CR1: variants seen among roughly 807,000 people sequenced by gnomAD.
CR1 encodes the protein complement C3b/C4b receptor 1 (Knops blood group), also known as complement receptor type 1.
A neutral mutation model predicts 187.3 loss-of-function variants in CR1; 116 were observed. The ratio of observed to expected loss-of-function variants is 0.62; its 90% confidence interval spans 0.53 to 0.72. The LOEUF (loss-of-function observed/expected upper bound fraction) is 0.72, where lower values mean the gene tolerates loss of function less well. Ranked by LOEUF, CR1 falls within the 30% of genes least tolerant of loss-of-function variation. CR1 has a pLI of 0.00. For synonymous variants in CR1, 576 were observed against 747.1 expected, an observed-to-expected ratio of 0.77 and a Z score of 3.73; for missense variants, 1,731 against 2,110.7, an observed-to-expected ratio of 0.82 and a Z score of 3.52.
chr1:207,498,053 A>G lies in CR1; in HGVS notation c.121+1665A>G, dbSNP rs375625642. Among the ~76,000 whole-genome samples, 61 of 152,350 alleles carry G rather than the reference A, an allele frequency of 4.0e-4. 2 individuals are homozygous for G. In the South Asian group the frequency reaches 0.012, roughly 29 times the overall value. ...CGTTCTGCTTTTTCCAGCCTCTGCT[A>G]CTTACCAGCTGGTGTCTTGGACCCA... is the stretch of plus-strand genomic sequence containing the variant. On this transcript the variant is annotated intron_variant, in intron 1 of 46. Coordinates refer to ENST00000367049, the MANE Select transcript of CR1 (RefSeq NM_000651.6).
intron 35 of CR1, among the ~76,000 whole-genome samples, chr1:207,594,758 C>G (rs181089551): frequency 1.4e-3 from 215 of 152,312 alleles, no homozygotes; most frequent in Middle Eastern, 0.01. Flanking sequence ...TTCTGACTGT[C>G]TGAGCCTGGA....
At chr1:207,582,899 G>A (rs752730293) in intron 32 of CR1, among the ~76,000 whole-genome samples, 9 of 152,206 alleles carry the variant, frequency 5.9e-5, no homozygotes, top group Non-Finnish European at 1.2e-4. Flanking sequence ...GTTTGGGAAT[G>A]GGGGAAATCA....
Position 207,567,959 on chromosome 1 carries a change from T to C in CR1, c.4088T>C (p.Ile1363Thr), listed in dbSNP as rs781556299. 8.1e-6 allele frequency: 13 copies of C among 1,610,336 alleles called. No homozygotes were observed. Among genetic ancestry groups the C allele is most frequent in the South Asian group, 7.7e-5 (7 of 91,020 alleles). ...GACAGAGGGACGAGCTTCGACCTCA[T>C]TGGAGAGAGCACCATCCGCTGCACA... is the stretch of plus-strand genomic sequence containing the variant. ...HPDRGTSFDL[I>T]GESTIRCTSD... is the part of the protein sequence containing the mutation. Residue 1363 changes from isoleucine (I) to threonine (T), a missense_variant, in exon 25 of 47, where the codon ATT (isoleucine) becomes ACT (threonine). By Grantham distance (89) the Ile-to-Thr change is moderately conservative (BLOSUM62 -1). Coordinates refer to ENST00000367049, the MANE Select transcript of CR1 (RefSeq NM_000651.6).
chr1:207,637,378 G>A (rs1414007130), intron 46 of CR1, among the ~76,000 whole-genome samples: 4 of 152,192 alleles, frequency 2.6e-5, no homozygotes, highest in African/African-American at 4.8e-5. Context: ...CGCACTATTG[G>A]CCACACATTC....
rs746013530 is a variant in CR1 at position 207,511,644 on chromosome 1, T to C, written c.477T>C (p.Pro159=). 1.2e-6 allele frequency: 2 copies of C among 1,612,538 alleles called. No homozygotes were observed. Among genetic ancestry groups the C allele is most frequent in the Non-Finnish European group, 1.7e-6 (2 of 1,178,772 alleles). Residue 159 remains proline, a synonymous_variant, in exon 4 of 47, where the codon CCT becomes CCC. Transcript: ENST00000367049. ...GDTVIWDNET[P]ICDRIPCGLP... ...CTGTCATTTGGGATAATGAAACACCTATTTGTGACAGTGAGTTGAAATATC... is the reference window on the plus strand; with the variant it reads ...CTGTCATTTGGGATAATGAAACACCCATTTGTGACAGTGAGTTGAAATATC...
chr1:207,516,158 G>C (rs7513259), intron 4 of CR1, among the ~76,000 whole-genome samples: 4,820 of 152,272 alleles, frequency 0.032, 254 homozygotes, highest in African/African-American at 0.11. Flanking sequence ...GAGGTTCAAG[G>C]CTTCAGTGAG....
intron 46 of CR1, among the ~76,000 whole-genome samples, chr1:207,634,847 G>T (rs1275778584): frequency 6.6e-6 from 1 of 152,140 alleles, no homozygotes; most frequent in Non-Finnish European, 1.5e-5. Flanking sequence ...TACCACCATG[G>T]TGTAGAACAA....
At chr1:207,638,471 A>G (rs1662882529) in intron 46 of CR1, among the ~76,000 whole-genome samples, 1 of 152,216 alleles carries the variant, frequency 6.6e-6, no homozygotes. Context: ...GATTTAAAGC[A>G]ATGATAGAGA....
Position 207,626,525 on chromosome 1 carries a change from C to G in CR1, c.7352+3457C>G, listed in dbSNP as rs148609912. Reference sequence around the variant, plus strand: ...GAAGAAGGAAGCCATGTGGGAAACACAGAATATGAGTGGAGAGTATCGTAG... The same window carrying G: ...GAAGAAGGAAGCCATGTGGGAAACAGAGAATATGAGTGGAGAGTATCGTAG... On this transcript the variant is annotated intron_variant, in intron 45 of 46. Transcript: ENST00000367049. Among the ~76,000 whole-genome samples the G allele has an allele frequency of 1.6e-3, 237 of 152,260 alleles. 1 individual carries two copies. The highest frequency in any genetic ancestry group is 0.01 in the Middle Eastern group (3 of 294).
At chr1:207,587,251 G>T (rs1661137215) in intron 33 of CR1, 135 bp from the exon 34 acceptor site, 4 of 733,088 alleles carry the variant, frequency 5.5e-6, no homozygotes, top group Non-Finnish European at 8.5e-6. Flanking sequence ...TAACATCAAG[G>T]AGAAGAAAAT....
In CR1 at chr1:207,524,944, C is replaced by A. The variant is rs12729138; in HGVS notation, c.886+935C>A. ...GTAATTTATAAAGAAAAGATGCTTA[C>A]TTGACTCAGAGTTCTGTAGGCTGTA... On this transcript the variant is annotated intron_variant, in intron 5 of 46. Transcript: ENST00000367049. Among the ~76,000 whole-genome samples, 91 of 152,144 alleles carry A rather than the reference C, an allele frequency of 6.0e-4. 1 individual carries two copies. The highest frequency in any genetic ancestry group is 1.9e-3 in the African/African-American group (80 of 41,426).
intron 45 of CR1, among the ~76,000 whole-genome samples, chr1:207,625,437 T>C (rs1442515290): frequency 6.6e-6 from 1 of 152,216 alleles, no homozygotes; most frequent in African/African-American, 2.4e-5. Context: ...TCCAGGAAAG[T>C]TTTTAAACAT....
At chr1:207,590,260 T>A (rs1661232341) in intron 35 of CR1, among the ~76,000 whole-genome samples, 1 of 152,158 alleles carries the variant, frequency 6.6e-6, no homozygotes, top group Admixed American at 6.5e-5. Context: ...ACAGTGAATC[T>A]CTCTGCAGAA....
At chr1:207,638,083 A>T (rs1172795733) in intron 46 of CR1, among the ~76,000 whole-genome samples, 1 of 152,240 alleles carries the variant, frequency 6.6e-6, no homozygotes, top group African/African-American at 2.4e-5. Flanking sequence ...ATTAAGTTGC[A>T]TCTGAGGAGT....
chr1:207,612,113 C>A (rs1661953614), intron 39 of CR1, 72 bp downstream of exon 39: 2 of 1,467,572 alleles, frequency 1.4e-6, no homozygotes, highest in Non-Finnish European at 9.5e-7. Context: ...GGGGTTAATC[C>A]AATTAAGGAG....
At chr1:207,579,305 G>A (rs1034395958) in intron 29 of CR1, among the ~76,000 whole-genome samples, 2 of 152,146 alleles carry the variant, frequency 1.3e-5, no homozygotes, top group African/African-American at 2.4e-5. Context: ...GGACAGAGAA[G>A]GAGCTTACGA....
chr1:207,597,893 T>G (rs1185407322), intron 35 of CR1, among the ~76,000 whole-genome samples: 1 of 152,214 alleles, frequency 6.6e-6, no homozygotes, highest in Admixed American at 6.5e-5. Flanking sequence ...AGCTTATCCA[T>G]TCCATGGAAT....
chr1:207,524,111 G>C, intron 5 of CR1, 102 bp downstream of exon 5: 1 of 1,599,932 alleles, frequency 6.3e-7, no homozygotes, highest in Non-Finnish European at 8.5e-7. Flanking sequence ...TGCTGAGCAG[G>C]GTCGAGGAGC....
chr1:207,600,657 T>TGCATGTGCCTCAAGC (rs1361307354), intron 35 of CR1: 1 of 152,186 alleles, frequency 6.6e-6, no homozygotes, highest in Non-Finnish European at 1.5e-5. Flanking sequence ...GATCCTCAAG[T>TGCATGTGCCTCAAGC]GCATGTGCCT....
Sources: gnomAD v4.1 joint callset for allele counts (sites outside exome capture counted in the v4.1 genomes callset) on GRCh38, gnomAD v4.1.1 for gene constraint, MANE v1.5 for transcripts, NCBI Gene and HGNC (gene_info 2026-07-23, HGNC 2026-07-21) for gene names.